The following GPSM1 variants were observed in gnomAD, a reference collection of about 807,000 sequenced individuals.
GPSM1 encodes G protein signaling modulator 1.
In GPSM1, 48 loss-of-function variants were observed where a neutral mutation model predicts 70.5. The ratio of observed to expected loss-of-function variants is 0.68; its 90% CI spans 0.54 to 0.87. GPSM1 has a LOEUF of 0.87. Among genes scored for constraint, GPSM1 ranks in the 40% least tolerant of loss-of-function variants. The pLI, the probability that GPSM1 is intolerant of heterozygous loss-of-function variation, is 0.00. For synonymous variants in GPSM1, 416 were observed against 430.1 expected, an observed-to-expected ratio of 0.97 and a Z score of 0.41; for missense variants, 981 against 972.6, an observed-to-expected ratio of 1.01 and a Z score of -0.11.
In GPSM1 at chr9:136,358,213, C is replaced by G. The variant is rs957457301; in HGVS notation, c.2021C>G (p.Ala674Gly). 20 of 1,546,374 alleles carry G rather than the reference C, an allele frequency of 1.3e-5. No individual in the cohort carries two copies. Among genetic ancestry groups the G allele is most frequent in the Middle Eastern group, 1.8e-4 (1 of 5,450 alleles). ...PEPQQQCQPG[A>G]S Reference sequence around the variant, plus strand: ...CCCCAGCAGCAGTGCCAGCCTGGTGCGAGCTAAGGCCCTGTGCCCACCGCC... The same window carrying G: ...CCCCAGCAGCAGTGCCAGCCTGGTGGGAGCTAAGGCCCTGTGCCCACCGCC... The change falls in exon 14 of 14, where the codon GCG becomes GGG. Residue 674 changes from alanine (A) to glycine (G), a missense_variant. Physicochemically the swap from Ala to Gly is moderately conservative, Grantham distance 60. Transcript: ENST00000440944.
At chr9:136,336,874 G>A (rs1554769299) in intron 3 of GPSM1, 47 bp from the exon 4 acceptor site, 2 of 1,525,014 alleles carry the variant, frequency 1.3e-6, no homozygotes, top group Admixed American at 2.0e-5. Context: ...TGCACATCGT[G>A]TGGGGGGCCG....
At chr9:136,354,796 C>T in intron 11 of GPSM1, 3 of 985,390 alleles carry the variant, frequency 3.0e-6, no homozygotes, top group Non-Finnish European at 3.6e-6. Flanking sequence ...ACACAGCAGA[C>T]ACCGGTGAGG....
Position 136,336,009 on chromosome 9 carries a change from C to A in GPSM1, c.334C>A (p.Leu112Met), listed in dbSNP as rs1258969230. 3 of 1,612,492 alleles carry A rather than the reference C, an allele frequency of 1.9e-6. No homozygotes were observed. Among genetic ancestry groups the A allele is most frequent in the Non-Finnish European group, 2.5e-6 (3 of 1,179,910 alleles). The change falls in exon 3 of 14, where the codon CTG (leucine) becomes ATG (methionine). Residue 112 changes from leucine to methionine, a missense_variant. By Grantham distance (15) the Leu-to-Met change is conservative. Transcript: ENST00000440944. ...GGGGGAGGCCAAGGCCAGTGGAAAC[C>A]TGGGAAACACACTCAAGGTCCTGGG... ...RMGEAKASGNLGNTLKVLGRF... is the reference protein window; with the variant it reads ...RMGEAKASGNMGNTLKVLGRF...
chr9:136,354,946 A>C (rs1832774278), intron 11 of GPSM1: 1 of 1,033,390 alleles, frequency 9.7e-7, no homozygotes, highest in African/African-American at 1.7e-5. Context: ...GGCCCAGGGC[A>C]GGTGACGGAC....
intron 13 of GPSM1, 85 bp downstream of exon 13, chr9:136,356,635 G>A (rs996826372): frequency 2.3e-5 from 22 of 969,856 alleles, no homozygotes; most frequent in Middle Eastern, 2.9e-4. Flanking sequence ...GAGGGGTGAG[G>A]TGGGCGCTGG....
chr9:136,346,010 T>G (rs1276614040), intron 9 of GPSM1, among the ~76,000 whole-genome samples: 1 of 152,208 alleles, frequency 6.6e-6, no homozygotes, highest in Non-Finnish European at 1.5e-5. Flanking sequence ...CGCTGACCAC[T>G]GTGGCCACAG....
At position 136,340,871 on chromosome 9, in the gene GPSM1, T is replaced by C. The variant is rs1554770094; in HGVS notation, c.1085T>C (p.Ile362Thr). ...GCTCCGCCACCCCACTCGCCGCAGATCGGGGACCGCCATGGGGAGCTCACG... is the reference window on the plus strand; with the variant it reads ...GCTCCGCCACCCCACTCGCCGCAGACCGGGGACCGCCATGGGGAGCTCACG... Reference protein sequence around the residue: ...AKKHLQISQEIGDRHGELTAR... With the variant: ...AKKHLQISQETGDRHGELTAR... The change falls in exon 9 of 14, where the codon ATC (isoleucine) becomes ACC (threonine). Residue 362 changes from isoleucine to threonine, a missense_variant and splice_region_variant. Coordinates refer to ENST00000440944, the MANE Select transcript of GPSM1 (RefSeq NM_001145638.3). The surrounding 1 kb of genome is among the most constrained non-coding windows in gnomAD (Gnocchi z 7.3). 1 of 1,570,472 alleles carries C rather than the reference T, an allele frequency of 6.4e-7. No individual in the cohort carries two copies. Among genetic ancestry groups the C allele is most frequent in the Admixed American group, 1.8e-5 (1 of 54,580 alleles).
rs200980257 is a variant in GPSM1, at chr9:136,358,214, G to A, written c.2022G>A (p.Ala674=). ...CCCAGCAGCAGTGCCAGCCTGGTGC[G>A]AGCTAAGGCCCTGTGCCCACCGCCA... ...PEPQQQCQPG[A]S The change falls in exon 14 of 14, where the codon GCG becomes GCA. Residue 674 remains alanine, a synonymous_variant. Transcript: ENST00000440944. The A allele has an allele frequency of 2.0e-4, 310 of 1,546,738 alleles. No homozygotes were observed. The East Asian group carries it at 6.1e-3, about 30-fold the overall frequency.
intron 10 of GPSM1, 83 bp from the exon 11 acceptor site, chr9:136,349,504 G>A (rs1468974027): frequency 7.2e-6 from 9 of 1,251,790 alleles, no homozygotes; most frequent in South Asian, 4.4e-5. Flanking sequence ...AAATGGAGGC[G>A]GCCTGGCCTT....
intron 1 of GPSM1, among the ~76,000 whole-genome samples, chr9:136,328,139 G>A (rs1832021762): frequency 6.6e-6 from 1 of 152,220 alleles, no homozygotes; most frequent in African/African-American, 2.4e-5. Context: ...TGCTCTGGAT[G>A]GGGCTCTGCC....
chr9:136,337,516 C>T lies in GPSM1; in HGVS notation c.654C>T (p.Thr218=). The change falls in exon 5 of 14, where the codon ACC becomes ACT. Residue 218 remains threonine (T), a synonymous_variant. Transcript: ENST00000440944. ...QGRAYGNLGN[T]HYLLGNFTEA... Reference sequence around the variant, plus strand: ...GGGCCTACGGCAACCTGGGCAACACCCACTATTTGTTGGGGAACTTCACAG... The same window carrying T: ...GGGCCTACGGCAACCTGGGCAACACTCACTATTTGTTGGGGAACTTCACAG... 6.4e-7 allele frequency: 1 copy of T among 1,560,912 alleles called. No individual in the cohort carries two copies. The highest frequency in any genetic ancestry group is 8.7e-7 in the Non-Finnish European group (1 of 1,152,446).
In GPSM1 at chr9:136,338,697, G is replaced by T; in HGVS notation, c.961G>T (p.Glu321Ter). 6.4e-6 allele frequency: 10 copies of T among 1,557,954 alleles called. No homozygotes were observed. The highest frequency in any genetic ancestry group is 8.7e-6 in the Non-Finnish European group (10 of 1,152,728). Residue 321 changes from glutamate (E) to a stop codon, truncating the protein, a stop_gained, in exon 7 of 14, where the codon GAG (glutamate) becomes TAG (stop). Transcript: ENST00000440944. LOFTEE classifies it high-confidence loss of function. ...CCTGCGGCACCTGCTCATTGCCCAG[G>T]AGCTGGCCGACAGGTGCGTGGGCGC... ...YHLRHLLIAQ[E>*]LADRVGEGRA...
Position 136,346,861 on chromosome 9 carries a change from T to A in GPSM1, c.1208-1836T>A, listed in dbSNP as rs963900118. Among the ~76,000 whole-genome samples the A allele has an allele frequency of 7.2e-5, 11 of 152,038 alleles. No homozygotes were observed. In the East Asian group the frequency reaches 2.1e-3, roughly 29 times the overall value. ...GGGCCCAGTGCCTGAAATGACCGAG[T>A]GACTGCCCGCCTGAGCCGGCTCTCT... On this transcript the variant is annotated intron_variant, in intron 9 of 13. Transcript: ENST00000440944.
In GPSM1 at chr9:136,341,106, G is replaced by A; in HGVS notation, c.1207+113G>A. On this transcript the variant is annotated intron_variant, in intron 9 of 13. Coordinates refer to ENST00000440944, the MANE Select transcript of GPSM1 (RefSeq NM_001145638.3). The surrounding 1 kb of genome is among the most constrained non-coding windows in gnomAD (Gnocchi z 6.7). ...AGCATGGCGGAGGTGGCAGCCGCCA[G>A]AAAATGGCGCCTACAAGCCAGTTCT... The A allele has an allele frequency of 6.5e-7, 1 of 1,550,108 alleles. No homozygotes were observed. Among genetic ancestry groups the A allele is most frequent in the Non-Finnish European group, 8.7e-7 (1 of 1,146,866 alleles).
chr9:136,337,352 G>T (rs782346097), intron 4 of GPSM1, 89 bp from the exon 5 acceptor site: 8 of 1,517,498 alleles, frequency 5.3e-6, no homozygotes, highest in African/African-American at 1.4e-5. Context: ...CCCTGAGGCC[G>T]CATGGAGGCC....
At chr9:136,328,506 C>T (rs1168356530) in intron 1 of GPSM1, among the ~76,000 whole-genome samples, 2 of 152,148 alleles carry the variant, frequency 1.3e-5, no homozygotes, top group Admixed American at 6.5e-5. Flanking sequence ...GCCTGGCTCC[C>T]CAGAGCGAGG....
intron 11 of GPSM1, among the ~76,000 whole-genome samples, chr9:136,354,636 C>A (rs1832763465): frequency 6.6e-6 from 1 of 152,222 alleles, no homozygotes; most frequent in Non-Finnish European, 1.5e-5. Context: ...AGCCCTGGGG[C>A]CCGGACCAGG....
intron 9 of GPSM1, among the ~76,000 whole-genome samples, chr9:136,345,470 G>A (rs1832500823): frequency 6.6e-6 from 1 of 152,232 alleles, no homozygotes; most frequent in Admixed American, 6.5e-5. Context: ...CACCGTCCGT[G>A]CCTGGCCATG....
At chr9:136,338,263 A>G (rs1392574357) in intron 6 of GPSM1, among the ~76,000 whole-genome samples, 3 of 152,004 alleles carry the variant, frequency 2.0e-5, no homozygotes, top group Non-Finnish European at 4.4e-5. Flanking sequence ...CCTAAACTTA[A>G]CCCCATCTCA....
Sources: allele counts gnomAD v4.1 joint callset (sites outside exome capture counted in the v4.1 genomes callset), GRCh38; gene constraint gnomAD v4.1.1; non-coding constraint Gnocchi (gnomAD v3.1); transcripts MANE v1.5; gene names NCBI Gene and HGNC (gene_info 2026-07-23, HGNC 2026-07-21).